SECISBP2: variants seen among roughly 807,000 people sequenced by gnomAD.
SECISBP2 encodes the protein selenocysteine insertion sequence-binding protein 2.
Under a neutral mutation model 98.2 loss-of-function variants are expected in SECISBP2, and 96 were observed. The observed-to-expected ratio is 0.98, with a 90% CI of 0.83 to 1.16. The LOEUF is 1.16. SECISBP2 is among the 50% of genes most tolerant of loss of function. The pLI is 0.00. For synonymous variants in SECISBP2, 407 were observed against 370.2 expected, an observed-to-expected ratio of 1.10 and a Z score of -1.14; for missense variants, 1,046 against 1,022.9, an observed-to-expected ratio of 1.02 and a Z score of -0.31.
intron 1 of SECISBP2, chr9:89,318,878 C>T (rs1268000432): frequency 2.4e-6 from 3 of 1,247,338 alleles, no homozygotes; most frequent in Non-Finnish European, 2.0e-6. Context: ...CGGCCCAGCC[C>T]GGCGCTCCCC....
downstream of SECISBP2, chr9:89,362,394 C>T: frequency 3.1e-6 from 5 of 1,614,088 alleles, no homozygotes; most frequent in Non-Finnish European, 4.2e-6. Flanking sequence ...GGGACTCCTT[C>T]CTGGTGGCTA....
chr9:89,334,877 A>G, intron 7 of SECISBP2, 147 bp downstream of exon 7: 1 of 699,980 alleles, frequency 1.4e-6, no homozygotes, highest in East Asian at 2.7e-5. Flanking sequence ...TGATGGTTGC[A>G]CAACAGTGAG....
chr9:89,329,825 G>C (rs922580435), intron 5 of SECISBP2: 1 of 152,106 alleles, frequency 6.6e-6, no homozygotes, highest in Non-Finnish European at 1.5e-5. Flanking sequence ...GGAAAAGGTT[G>C]TAACAGAGTC....
the SECISBP2 span, among the ~76,000 whole-genome samples, chr9:89,366,430 T>G: frequency 6.6e-6 from 1 of 152,250 alleles, no homozygotes; most frequent in Admixed American, 6.5e-5. Context: ...CAGAAGGTGC[T>G]CCAAAACTGT....
downstream of SECISBP2, chr9:89,361,762 T>G (rs1208302901): frequency 6.5e-6 from 1 of 153,346 alleles, no homozygotes; most frequent in East Asian, 1.9e-4. Flanking sequence ...CTGAGGTTAG[T>G]GAAGAAAACA....
intron 5 of SECISBP2, chr9:89,329,943 C>T (rs1006492129): frequency 6.6e-6 from 1 of 152,142 alleles, no homozygotes; most frequent in Non-Finnish European, 1.5e-5. Context: ...ACATTAAGTC[C>T]TCACATAATG....
chr9:89,344,054 A>C (rs564917197), intron 10 of SECISBP2, among the ~76,000 whole-genome samples: 1 of 152,178 alleles, frequency 6.6e-6, no homozygotes, highest in South Asian at 2.1e-4. Flanking sequence ...TTTGATTTGC[A>C]TTTCTCTAAT....
rs1190284419 is a variant in SECISBP2 at position 89,325,506 on chromosome 9, C to A, written c.262C>A (p.His88Asn). 1 of 1,613,724 alleles carries A rather than the reference C, an allele frequency of 6.2e-7. No individual in the cohort carries two copies. The highest frequency in any genetic ancestry group is 1.1e-5 in the South Asian group (1 of 91,078). ...PQYLSSEITL[H>N]PYAYSPYTLD... is the part of the protein sequence containing the mutation. ...GTATTTATCTTCTGAGATAACTCTT[C>A]ATCCATATGCCTATTCTCCTTATAC... is the stretch of plus-strand genomic sequence containing the variant. Residue 88 changes from histidine to asparagine, a missense_variant, in exon 3 of 17, where the codon CAT (histidine) becomes AAT (asparagine). His to Asn is a moderately conservative substitution (Grantham distance 68, BLOSUM62 1). Transcript: ENST00000375807.
intron 2 of SECISBP2, chr9:89,323,131 T>A (rs1040957642): frequency 5.9e-5 from 9 of 152,118 alleles, no homozygotes; most frequent in Non-Finnish European, 1.2e-4. Context: ...TGGAAATAAT[T>A]GTAGGATCAT....
chr9:89,320,687 T>C (rs907278979), intron 2 of SECISBP2, among the ~76,000 whole-genome samples: 1 of 152,248 alleles, frequency 6.6e-6, no homozygotes, highest in Admixed American at 6.5e-5. Flanking sequence ...AAAGAAGGCT[T>C]ACATTTTTCC....
chr9:89,362,505 T>C, downstream of SECISBP2: 2 of 1,613,258 alleles, frequency 1.2e-6, no homozygotes, highest in Admixed American at 1.7e-5. Context: ...GTCTGTCTCA[T>C]AGCCCATCCC....
intron 3 of SECISBP2, 68 bp downstream of exon 3, chr9:89,325,744 G>A: frequency 1.9e-6 from 3 of 1,606,858 alleles, no homozygotes; most frequent in Non-Finnish European, 2.6e-6. Context: ...GTAAAGAAAT[G>A]GTAAATTTGT....
chr9:89,330,058 A>C (rs1383777715), intron 5 of SECISBP2: 1 of 152,194 alleles, frequency 6.6e-6, no homozygotes, highest in East Asian at 1.9e-4. Context: ...TTGATGAAAA[A>C]AGGAATTGGT....
downstream of SECISBP2, chr9:89,361,971 C>A: frequency 3.8e-6 from 1 of 261,646 alleles, no homozygotes; most frequent in South Asian, 6.6e-5. Context: ...CATGCTAACC[C>A]TGTTGGCTAT....
intron 14 of SECISBP2, among the ~76,000 whole-genome samples, chr9:89,353,884 C>G (rs539838740): frequency 2.0e-5 from 3 of 152,234 alleles, no homozygotes; most frequent in South Asian, 4.2e-4. Context: ...ATCATTGGTT[C>G]CGACACGTTT....
chr9:89,326,058 T>C lies in SECISBP2; in HGVS notation c.574+20T>C, dbSNP rs1254836665. The C allele has an allele frequency of 1.5e-5, 24 of 1,608,510 alleles. No homozygotes were observed. The South Asian group carries it at 2.6e-4, about 18-fold the overall frequency. ...AATCAGGTAAAAATAACCAACAATG[T>C]AGTATAATGCGAGCCTACTCCTTGT... On this transcript the variant is annotated intron_variant, in intron 4 of 16. Coordinates refer to ENST00000375807, the MANE Select transcript of SECISBP2 (RefSeq NM_024077.5).
downstream of SECISBP2, chr9:89,363,554 C>A (rs747942399): frequency 6.2e-7 from 1 of 1,613,246 alleles, no homozygotes; most frequent in Admixed American, 1.7e-5. Context: ...GTCCCCAGGT[C>A]AAAGCTCTGT....
chr9:89,326,136 T>C (rs1436604379), intron 4 of SECISBP2, 98 bp downstream of exon 4: 1 of 1,434,824 alleles, frequency 7.0e-7, no homozygotes. Context: ...GCTTGTTCAT[T>C]GTGACTACTC....
intron 1 of SECISBP2, among the ~76,000 whole-genome samples, 180 bp from the exon 2 acceptor site, chr9:89,319,472 A>G (rs188485182): frequency 3.0e-4 from 45 of 152,246 alleles, no homozygotes; most frequent in African/African-American, 1.1e-3. Flanking sequence ...TTTTCTACAA[A>G]AAAAAAAGCA....
Sources: allele counts gnomAD v4.1 joint callset (sites outside exome capture counted in the v4.1 genomes callset), GRCh38; gene constraint gnomAD v4.1.1; transcripts MANE v1.5; gene names NCBI Gene and HGNC (gene_info 2026-07-23, HGNC 2026-07-21).